The following GRAMD1A variants were observed in gnomAD, a reference collection of about 807,000 sequenced individuals.
GRAMD1A encodes the protein GRAM domain containing 1A, also known as protein Aster-A.
A neutral mutation model predicts 92.0 loss-of-function variants in GRAMD1A; 50 were observed. That is an observed-to-expected ratio of 0.54 (90% confidence interval 0.43 to 0.69). GRAMD1A has a LOEUF of 0.69. GRAMD1A is among the 30% of genes least tolerant of loss of function. The pLI is 0.00. For synonymous variants in GRAMD1A, 405 were observed against 403.6 expected (o/e 1.00, Z -0.04); for missense variants, 819 against 978.9 (o/e 0.84, Z 2.18).
In GRAMD1A at chr19:35,019,233, A is replaced by T; in HGVS notation, c.1256A>T (p.Gln419Leu). 1 of 1,613,398 alleles carries T rather than the reference A, an allele frequency of 6.2e-7. No homozygotes were observed. Among genetic ancestry groups the T allele is most frequent in the Non-Finnish European group, 8.5e-7 (1 of 1,179,512 alleles). Residue 419 changes from glutamine (Q) to leucine (L), a missense_variant, in exon 12 of 20, where the codon CAG becomes CTG. Gln to Leu is a moderately radical substitution (Grantham distance 113). Coordinates refer to ENST00000317991, the MANE Select transcript of GRAMD1A (RefSeq NM_020895.5). ...SPWSGDSKCH[Q>L]RRVLTYTIPI... is the part of the protein sequence containing the mutation. ...TGGAGTGGGGACAGCAAGTGCCACC[A>T]GCGCCGGGTGCTGACGTACACCATC...
chr19:34,996,292 G>C (rs1280067635), upstream of GRAMD1A: 2 of 1,517,642 alleles, frequency 1.3e-6, no homozygotes, highest in Non-Finnish European at 1.8e-6. Flanking sequence ...CCCAGGACAG[G>C]TCAGACCTGG....
At chr19:35,022,338 A>G (rs1037459338) in intron 16 of GRAMD1A, among the ~76,000 whole-genome samples, 2 of 152,160 alleles carry the variant, frequency 1.3e-5, no homozygotes, top group Non-Finnish European at 2.9e-5. Context: ...TTAGGTGCAC[A>G]GGGAGAGGTG....
intron 11 of GRAMD1A, among the ~76,000 whole-genome samples, chr19:35,016,330 T>C (rs113711793): frequency 0.3 from 45,295 of 151,596 alleles, 6,956 homozygotes; most frequent in Middle Eastern, 0.44. Context: ...GGTGCGGTGG[T>C]TCACACCTGT....
At chr19:35,017,495 C>T (rs66793381) in intron 11 of GRAMD1A, among the ~76,000 whole-genome samples, 44,803 of 151,666 alleles carry the variant, frequency 0.3, 6,834 homozygotes, top group Middle Eastern at 0.44. Context: ...CACGCTCCTC[C>T]CCTGCTTGAA....
At chr19:35,022,184 T>C in intron 16 of GRAMD1A, 146 bp downstream of exon 16, 1 of 616,874 alleles carries the variant, frequency 1.6e-6, no homozygotes, top group South Asian at 2.0e-5. Context: ...AAGGCAATGT[T>C]TGGGATGTGC....
chr19:34,995,819 G>A (rs2014013511), upstream of GRAMD1A, among the ~76,000 whole-genome samples: 1 of 152,120 alleles, frequency 6.6e-6, no homozygotes, highest in South Asian at 2.1e-4. Context: ...CTGGCTTCAA[G>A]TGATCCTTCT....
chr19:35,015,903 C>T lies in GRAMD1A; in HGVS notation c.1149C>T (p.Leu383=), dbSNP rs1416861036. 4 of 1,613,996 alleles carry T rather than the reference C, an allele frequency of 2.5e-6. No homozygotes were observed. The highest frequency in any genetic ancestry group is 1.7e-5 in the Admixed American group (1 of 59,996). Reference sequence around the variant, plus strand: ...TCTTCCATGTGGGCGCTGAGCGGCTCCAGCAGATGCTCTTCTCGGACTCGC... The same window carrying T: ...TCTTCCATGTGGGCGCTGAGCGGCTTCAGCAGATGCTCTTCTCGGACTCGC... ...NSVFHVGAER[L]QQMLFSDSPF... Residue 383 remains leucine (L), a synonymous_variant, in exon 11 of 20, where the codon CTC becomes CTT. Coordinates refer to ENST00000317991, the MANE Select transcript of GRAMD1A (RefSeq NM_020895.5).
At position 35,021,791 on chromosome 19, in the gene GRAMD1A, C is replaced by G. The variant is rs766040255; in HGVS notation, c.1680C>G (p.Ser560Arg). 3 of 1,611,286 alleles carry G rather than the reference C, an allele frequency of 1.9e-6. No individual in the cohort carries two copies. The South Asian group carries it at 3.3e-5, about 18-fold the overall frequency. The change falls in exon 15 of 20, where the codon AGC (serine) becomes AGG (arginine). Residue 560 changes from serine (S) to arginine (R), a missense_variant. This residue lies in a region of GRAMD1A where 577 missense variants were observed against 674.6 expected (regional missense o/e 0.86). Transcript: ENST00000317991. This position sits in a 1 kb window ranked among gnomAD's most constrained non-coding sequence, Gnocchi z 5.3. ...SGLRRRKRPL[S>R]WRAHGDGPQH... ...TGCGGCGGCGGAAGCGGCCCCTGAG[C>G]TGGCGGGCTCACGGGGACGGGCCCC...
chr19:35,002,170 C>G (rs2014420922), intron 1 of GRAMD1A, among the ~76,000 whole-genome samples: 1 of 152,116 alleles, frequency 6.6e-6, no homozygotes, highest in African/African-American at 2.4e-5. Context: ...TTCTAAGACC[C>G]TGGGAGTACC....
Position 35,010,399 on chromosome 19 carries a change from C to G in GRAMD1A, c.525+20C>G, listed in dbSNP as rs1214768132. On this transcript the variant is annotated intron_variant, in intron 6 of 19. Coordinates refer to ENST00000317991, the MANE Select transcript of GRAMD1A (RefSeq NM_020895.5). The stretch of plus-strand genomic sequence containing the variant: ...GAGAAGGTGACGGAGGACCCGGTGA[C>G]GGGACCACGCGGTCCCCCGCTCAGC... 6.6e-7 allele frequency: 1 copy of G among 1,511,748 alleles called. No homozygotes were observed. Among genetic ancestry groups the G allele is most frequent in the African/African-American group, 1.4e-5 (1 of 72,918 alleles). The allele number at this position is 1,511,748 out of a possible 1,614,324, so 93.6% of individuals were successfully genotyped here.
At chr19:35,005,915 T>A in intron 1 of GRAMD1A, 1 of 456,242 alleles carries the variant, frequency 2.2e-6, no homozygotes, top group South Asian at 1.5e-5. Context: ...CAGAATGGCA[T>A]ATGTTAAGGC....
In GRAMD1A at chr19:35,021,862, C is replaced by T. The variant is rs573758124; in HGVS notation, c.1751C>T (p.Ser584Leu). 67 of 1,603,602 alleles carry T rather than the reference C, an allele frequency of 4.2e-5. No individual in the cohort carries two copies. The highest frequency in any genetic ancestry group is 2.5e-4 in the South Asian group (22 of 89,670). ...TGTGCCCGGGCCGGCATTCACACCT[C>T]GGGTACGTTCCGTTGGGGCCGGGTT... ...DPCARAGIHT[S>L]GSLSSRFSEP... is the part of the protein sequence containing the mutation. The change falls in exon 15 of 20, where the codon TCG (serine) becomes TTG (leucine). Residue 584 changes from serine to leucine, a missense_variant and splice_region_variant. Around this residue, in one of 3 missense-constraint regions of GRAMD1A, gnomAD observed 577 missense variants for 674.6 expected, o/e 0.86. Transcript: ENST00000317991. This position sits in a 1 kb window ranked among gnomAD's most constrained non-coding sequence, Gnocchi z 5.3.
At chr19:35,012,201 C>T (rs1056361834) in intron 7 of GRAMD1A, among the ~76,000 whole-genome samples, 6 of 152,210 alleles carry the variant, frequency 3.9e-5, no homozygotes, top group South Asian at 2.1e-4. Context: ...TTAGCTCCCT[C>T]GCCACCCCCT....
At chr19:35,018,120 C>A (rs911269258) in intron 11 of GRAMD1A, among the ~76,000 whole-genome samples, 2 of 151,618 alleles carry the variant, frequency 1.3e-5, no homozygotes, top group African/African-American at 2.4e-5. Flanking sequence ...CCTGAGTAGC[C>A]GGGATTATAG....
At chr19:35,022,409 C>T (rs1205514378) in intron 16 of GRAMD1A, among the ~76,000 whole-genome samples, 4 of 152,070 alleles carry the variant, frequency 2.6e-5, no homozygotes, top group Admixed American at 1.3e-4. Context: ...CTAAGCTGGG[C>T]GATGCTGAGG....
At position 35,026,198 on chromosome 19, in the gene GRAMD1A, GCGGCCACTGCTGGCA is replaced by G. The variant is rs1182496499; in HGVS notation, c.*61_*75del. On this transcript the variant is annotated 3_prime_UTR_variant, in exon 20 of 20. Coordinates refer to ENST00000317991, the MANE Select transcript of GRAMD1A (RefSeq NM_020895.5). The stretch of plus-strand genomic sequence containing the variant: ...GGACAGATGGACACACAGAGCCTCG[GCGGCCACTGCTGGCA>G]CGGTGTGAGCGCCAGGCATCTCCCA... 6.5e-6 allele frequency: 6 copies of G among 920,502 alleles called. No individual in the cohort carries two copies. In the East Asian group the frequency reaches 1.5e-4, roughly 22 times the overall value. The allele number at this position is 920,502 out of a possible 1,614,324, so 57.0% of individuals were successfully genotyped here.
chr19:35,016,079 G>C, intron 11 of GRAMD1A, 112 bp downstream of exon 11: 1 of 1,172,054 alleles, frequency 8.5e-7, no homozygotes, highest in Admixed American at 2.3e-5. Flanking sequence ...AAGGCGAGGT[G>C]GTGAAAAGCA....
In GRAMD1A at chr19:35,021,752, C is replaced by G. The variant is rs2016070507; in HGVS notation, c.1641C>G (p.Gly547=). 1 of 1,613,772 alleles carries G rather than the reference C, an allele frequency of 6.2e-7. No individual in the cohort carries two copies. The highest frequency in any genetic ancestry group is 1.3e-5 in the African/African-American group (1 of 75,064). ...SLEEGGKDAR[G]LLSGLRRRKR... ...AGGAAGGCGGGAAGGATGCCCGGGG[C>G]TTGCTATCCGGCCTGCGGCGGCGGA... The change falls in exon 15 of 20, where the codon GGC becomes GGG. Residue 547 remains glycine, a synonymous_variant. Coordinates refer to ENST00000317991, the MANE Select transcript of GRAMD1A (RefSeq NM_020895.5). This position sits in a 1 kb window ranked among gnomAD's most constrained non-coding sequence, Gnocchi z 5.3.
rs1290414000 is a variant in GRAMD1A, at chr19:35,015,672, G to A, written c.1070-152G>A. 1.5e-5 allele frequency: 10 copies of A among 666,460 alleles called. No homozygotes were observed. The East Asian group carries it at 2.8e-4, about 18-fold the overall frequency. The allele number at this position is 666,460 out of a possible 1,614,324, so 41.3% of individuals were successfully genotyped here. A position where few individuals can be genotyped will look rare whatever the true frequency, so the allele number is the denominator to read the frequency against. ...GTGCCCACCCTCAACCCATCCCTGA[G>A]TCACAGGAGGGCTCTGTGTCAGTGT... is the stretch of plus-strand genomic sequence containing the variant. On this transcript the variant is annotated intron_variant, in intron 10 of 19. Coordinates refer to ENST00000317991, the MANE Select transcript of GRAMD1A (RefSeq NM_020895.5).
Sources: gnomAD v4.1 joint callset for allele counts (sites outside exome capture counted in the v4.1 genomes callset) on GRCh38, gnomAD v4.1.1 for gene constraint, gnomAD v4.1.1 regional missense constraint, Gnocchi (gnomAD v3.1) non-coding constraint, MANE v1.5 for transcripts, NCBI Gene and HGNC (gene_info 2026-07-23, HGNC 2026-07-21) for gene names.